Variants in ARVCF observed in about 807,000 individuals in gnomAD.
ARVCF encodes ARVCF delta catenin family member.
A neutral mutation model predicts 90.9 loss-of-function variants in ARVCF; 66 were observed. The observed-to-expected ratio is 0.73, with a 90% CI of 0.60 to 0.89. The LOEUF (loss-of-function observed/expected upper bound fraction) is 0.89. Ranked by LOEUF, ARVCF falls within the 40% of genes least tolerant of loss-of-function variation. The pLI, the probability that ARVCF is intolerant of heterozygous loss-of-function variation, is 0.00. For missense variants in ARVCF, 1,469 were observed against 1,382.3 expected (o/e 1.06, Z -1.00); for synonymous variants, 653 against 603.4 (o/e 1.08, Z -1.21).
At chr22:19,992,664 G>A (rs1417643926) in intron 2 of ARVCF, among the ~76,000 whole-genome samples, 1 of 152,238 alleles carries the variant, frequency 6.6e-6, no homozygotes, top group Non-Finnish European at 1.5e-5. Flanking sequence ...AAGGAAATGG[G>A]ACGCTGCCTT....
rs556077301 is a variant in ARVCF at position 19,979,264 on chromosome 22, C to A, written c.1397-184G>T. The A allele has an allele frequency of 3.5e-5, 23 of 662,930 alleles. No homozygotes were observed. In the East Asian group the frequency reaches 5.3e-4, roughly 15 times the overall value. 41.1% of individuals were successfully genotyped at this position (662,930 alleles called of 1,614,324 possible). A position where few individuals can be genotyped will look rare whatever the true frequency, so the allele number is the denominator to read the frequency against. ...GTACTGGTTTCCAGCTAGGAAGGAG[C>A]CCCAAAGGGGAGGAGGTGCAGAGGA... On this transcript the variant is annotated intron_variant, in intron 6 of 19. Coordinates refer to ENST00000263207, the MANE Select transcript of ARVCF (RefSeq NM_001670.3).
At chr22:19,987,103 AC>A in intron 3 of ARVCF, 1 of 568,022 alleles carries the variant, frequency 1.8e-6, no homozygotes, top group Non-Finnish European at 3.2e-6. Context: ...TCGGGCCGGG[AC>A]TCGGGGGGCG....
Position 19,980,211 on chromosome 22 carries a change from C to A in ARVCF, c.928G>T (p.Glu310Ter). ...AACGCAGGCCGCTCGTCCGCCAGCT[C>A]GCCGCCATCATCTGCTGTGTCCTCG... ...AYEDTADDGGELADERPAFPM... is the reference protein window; with the variant it reads ...AYEDTADDGG The change falls in exon 6 of 20, where the codon GAG becomes TAG. Residue 310 changes from glutamate to a stop codon, truncating the protein, a stop_gained. Transcript: ENST00000263207. LOFTEE classifies it high-confidence loss of function. 2.6e-6 allele frequency: 4 copies of A among 1,543,206 alleles called. No individual in the cohort carries two copies. Among genetic ancestry groups the A allele is most frequent in the Non-Finnish European group, 3.5e-6 (4 of 1,145,824 alleles).
chr22:20,004,072 T>C (rs551271951), intron 2 of ARVCF, among the ~76,000 whole-genome samples: 1 of 152,176 alleles, frequency 6.6e-6, no homozygotes, highest in South Asian at 2.1e-4. Context: ...TTTCTATATA[T>C]GAACAATGAA....
At position 19,973,141 on chromosome 22, in the gene ARVCF, A is replaced by G. The variant is rs376098457; in HGVS notation, c.2416T>C (p.Leu806=). ...SLLQARGVPA[L]VALVASSQSV... is the part of the protein sequence containing the mutation. The stretch of plus-strand genomic sequence containing the variant: ...CACCTGGAGGCCACGAGAGCCACCA[A>G]CGCTGGCACCCCGCGTGCCTGCAGG... Residue 806 remains leucine, a synonymous_variant, in exon 14 of 20, where the codon TTG becomes CTG. Transcript: ENST00000263207. 1.2e-5 allele frequency: 19 copies of G among 1,608,126 alleles called. No homozygotes were observed. In the African/African-American group the frequency reaches 1.9e-4, roughly 16 times the overall value.
intron 3 of ARVCF, among the ~76,000 whole-genome samples, chr22:19,989,729 C>T (rs948998048): frequency 4.6e-5 from 7 of 151,752 alleles, no homozygotes; most frequent in African/African-American, 1.7e-4. Flanking sequence ...AGACAGGACT[C>T]TGCAGGGAGA....
intron 3 of ARVCF, among the ~76,000 whole-genome samples, chr22:19,985,155 G>A (rs894480487): frequency 1.3e-5 from 2 of 152,104 alleles, no homozygotes; most frequent in East Asian, 1.9e-4. Context: ...GCTCTACCCT[G>A]AACACCCCAC....
intron 1 of ARVCF, among the ~76,000 whole-genome samples, chr22:20,015,705 C>G (rs2146534169): frequency 6.6e-6 from 1 of 152,200 alleles, no homozygotes; most frequent in African/African-American, 2.4e-5. Context: ...AGCCTGGGTA[C>G]TCACCTGAGG....
intron 7 of ARVCF, among the ~76,000 whole-genome samples, 200 bp downstream of exon 7, chr22:19,978,697 C>A (rs1384282932): frequency 1.3e-5 from 2 of 152,096 alleles, no homozygotes; most frequent in African/African-American, 2.4e-5. Context: ...CCAGAGGGTG[C>A]CCCTGGGAAG....
Position 19,972,851 on chromosome 22 carries a change from G to C in ARVCF, c.2551-24C>G, listed in dbSNP as rs148280254. ...GACTGAGACATAAAACACAGACACA[G>C]GGTGGGTGAAGCACATGGAGTGGGA... On this transcript the variant is annotated intron_variant, in intron 15 of 19. Transcript: ENST00000263207. 4.2e-3 allele frequency: 6,858 copies of C among 1,613,654 alleles called. 16 individuals carry two copies. The highest frequency in any genetic ancestry group is 5.1e-3 in the Non-Finnish European group (6,009 of 1,179,816).
intron 5 of ARVCF, chr22:19,980,960 C>T (rs1457456845): frequency 1.0e-5 from 5 of 487,296 alleles, no homozygotes; most frequent in Admixed American, 7.6e-5. Context: ...CAGAGTGTGG[C>T]TGGAGCAAGG....
At chr22:19,989,700 GC>G (rs1478709561) in intron 3 of ARVCF, among the ~76,000 whole-genome samples, 1 of 152,114 alleles carries the variant, frequency 6.6e-6, no homozygotes, top group Non-Finnish European at 1.5e-5. Flanking sequence ...GTTTAGCGGG[GC>G]AGGGAGCTGA....
Position 19,973,256 on chromosome 22 carries a change from C to A in ARVCF, c.2301G>T (p.Pro767=), listed in dbSNP as rs374908033. The change falls in exon 14 of 20, where the codon CCG becomes CCT. Residue 767 remains proline, a synonymous_variant. Coordinates refer to ENST00000263207, the MANE Select transcript of ARVCF (RefSeq NM_001670.3). ...NVRNAQAPPR[P]GACLEEDTVV... ...CGGTGTCTTCCTCCAGGCAGGCCCC[C>A]GGTCGCGGCGGAGCCTGTGCATTGC... 3.3e-5 allele frequency: 53 copies of A among 1,609,098 alleles called. No homozygotes were observed. The African/African-American group carries it at 4.4e-4, about 13-fold the overall frequency.
Position 19,980,252 on chromosome 22 carries a change from C to G in ARVCF, c.897-10G>C. 6.6e-7 allele frequency: 1 copy of G among 1,505,998 alleles called. No homozygotes were observed. Among genetic ancestry groups the G allele is most frequent in the Non-Finnish European group, 8.8e-7 (1 of 1,130,436 alleles). 93.3% of individuals were successfully genotyped at this position (1,505,998 alleles called of 1,614,324 possible). ...TGTGTCCTCGTAGGCCCTGCACAGG[C>G]AAGTGGGGCGCGTGGACATCGTCAC... On this transcript the variant is annotated splice_polypyrimidine_tract_variant and intron_variant, in intron 5 of 19. Coordinates refer to ENST00000263207, the MANE Select transcript of ARVCF (RefSeq NM_001670.3).
At chr22:19,982,689 G>C (rs1433983211) in intron 3 of ARVCF, among the ~76,000 whole-genome samples, 4 of 152,222 alleles carry the variant, frequency 2.6e-5, no homozygotes, top group African/African-American at 9.6e-5. Flanking sequence ...GAAATACGCA[G>C]TTCCCAGAAC....
intron 2 of ARVCF, among the ~76,000 whole-genome samples, chr22:19,992,632 G>A (rs796294070): frequency 5.9e-5 from 9 of 152,314 alleles, no homozygotes; most frequent in African/African-American, 1.9e-4. Flanking sequence ...CATCTCAGCC[G>A]AACCTCAGAA....
chr22:19,978,982 C>T lies in ARVCF; in HGVS notation c.1495G>A (p.Gly499Arg), dbSNP rs774452045. Residue 499 changes from glycine (G) to arginine (R), a missense_variant, in exon 7 of 20, where the codon GGA (glycine) becomes AGA (arginine). Coordinates refer to ENST00000263207, the MANE Select transcript of ARVCF (RefSeq NM_001670.3). ...LTHEVIVPHSGWEREPNEDSK... is the reference protein window; with the variant it reads ...LTHEVIVPHSRWEREPNEDSK... The stretch of plus-strand genomic sequence containing the variant: ...TCCTCGTTGGGCTCACGCTCCCATC[C>T]TGAGTGGGGCACGATCACCTCGTGG... The T allele has an allele frequency of 6.2e-7, 1 of 1,613,410 alleles. No homozygotes were observed. Among genetic ancestry groups the T allele is most frequent in the Non-Finnish European group, 8.5e-7 (1 of 1,179,964 alleles).
chr22:19,967,421 A>G (rs1331216897), downstream of ARVCF: 1 of 469,664 alleles, frequency 2.1e-6, no homozygotes, highest in Non-Finnish European at 4.4e-6. Flanking sequence ...ATGAAAACAC[A>G]TCATGATTCA....
chr22:19,982,673 G>C (rs928501213), intron 3 of ARVCF, among the ~76,000 whole-genome samples: 1 of 152,210 alleles, frequency 6.6e-6, no homozygotes, highest in African/African-American at 2.4e-5. Flanking sequence ...ACGCCCTCAA[G>C]GGACAGAAAT....
Sources: gnomAD v4.1 joint callset for allele counts (sites outside exome capture counted in the v4.1 genomes callset) on GRCh38, gnomAD v4.1.1 for gene constraint, MANE v1.5 for transcripts, NCBI Gene and HGNC (gene_info 2026-07-23, HGNC 2026-07-21) for gene names.